CSRP3: variants seen among roughly 807,000 people sequenced by gnomAD.
The protein encoded by CSRP3 is cysteine and glycine-rich protein 3.
Under a neutral mutation model 24.3 loss-of-function variants are expected in CSRP3, and 24 were observed. The ratio of observed to expected loss-of-function variants is 0.99; its 90% CI spans 0.71 to 1.39. The LOEUF (loss-of-function observed/expected upper bound fraction) is 1.39. Ranked by LOEUF, CSRP3 falls within the 40% of genes most tolerant of loss-of-function variation. The probability of loss-of-function intolerance (pLI) is 0.00; values close to 1 mark genes in which losing one functional copy is unlikely to be tolerated. For missense variants in CSRP3, 240 were observed against 249.0 expected (o/e 0.96, Z 0.24); for synonymous variants, 105 against 94.0 (o/e 1.12, Z -0.68).
In CSRP3 at chr11:19,182,496, A is replaced by C. The variant is rs45597034; in HGVS notation, c.*174T>G. 6.0e-6 allele frequency: 4 copies of C among 664,870 alleles called. No individual in the cohort carries two copies. The highest frequency in any genetic ancestry group is 5.4e-5 in the East Asian group (2 of 37,346). The allele number at this position is 664,870 out of a possible 1,614,324, so 41.2% of individuals were successfully genotyped here. A position where few individuals can be genotyped will look rare whatever the true frequency, so the allele number is the denominator to read the frequency against. Reference sequence around the variant, plus strand: ...ATTTGTTATAGATTAAACTTTACATAATTTTCTTCCAAAGGCCTCTTCTAA... The same window carrying C: ...ATTTGTTATAGATTAAACTTTACATCATTTTCTTCCAAAGGCCTCTTCTAA... On this transcript the variant is annotated 3_prime_UTR_variant, in exon 6 of 6. Coordinates refer to ENST00000265968, the MANE Select transcript of CSRP3 (RefSeq NM_003476.5).
At chr11:19,197,692 G>A (rs1850764946) in intron 1 of CSRP3, among the ~76,000 whole-genome samples, 1 of 151,502 alleles carries the variant, frequency 6.6e-6, no homozygotes, top group Admixed American at 6.6e-5. Flanking sequence ...GAGACCTCAA[G>A]CCACAGTGCC....
In CSRP3 at chr11:19,197,395, T is replaced by C. The variant is rs1327174841; in HGVS notation, c.-29+4559A>G. ...CTCCCTCCCTCCCTCCCTCCCTTCC[T>C]TCCTTCCTTCCTTCCTTCCTTCCTT... On this transcript the variant is annotated intron_variant, in intron 1 of 5. Coordinates refer to ENST00000265968, the MANE Select transcript of CSRP3 (RefSeq NM_003476.5). 1.0e-3 allele frequency among the ~76,000 whole-genome samples: 9 copies of C among 8,704 alleles called. 1 individual carries two copies. Among genetic ancestry groups the C allele is most frequent in the Non-Finnish European group, 1.5e-3 (8 of 5,434 alleles). The allele number at this position is 8,704 out of a possible 152,430, so 5.7% of individuals were successfully genotyped here. A position where few individuals can be genotyped will look rare whatever the true frequency, so the allele number is the denominator to read the frequency against.
At chr11:19,183,677 G>A (rs964902404) in intron 5 of CSRP3, among the ~76,000 whole-genome samples, 4 of 152,022 alleles carry the variant, frequency 2.6e-5, no homozygotes, top group Non-Finnish European at 5.9e-5. Context: ...AGCTATGAAG[G>A]CTGAGGACCC....
chr11:19,187,636 C>T (rs1302282454), intron 3 of CSRP3, among the ~76,000 whole-genome samples: 1 of 152,172 alleles, frequency 6.6e-6, no homozygotes, highest in South Asian at 2.1e-4. Context: ...AGGGAACCCC[C>T]AGAAAAATCA....
chr11:19,192,318 G>A lies in CSRP3; in HGVS notation c.112+19C>T. The A allele has an allele frequency of 2.5e-6, 4 of 1,594,544 alleles. No homozygotes were observed. The highest frequency in any genetic ancestry group is 2.6e-6 in the Non-Finnish European group (3 of 1,162,398). On this transcript the variant is annotated intron_variant, in intron 2 of 5. Transcript: ENST00000265968. Reference sequence around the variant, plus strand: ...CTGTCCGGATGCTGAGGGGCCCCCAGGGTGTCCACCCAACTCACTGCAGTG... The same window carrying A: ...CTGTCCGGATGCTGAGGGGCCCCCAAGGTGTCCACCCAACTCACTGCAGTG...
intron 4 of CSRP3, 73 bp downstream of exon 4, chr11:19,186,143 T>G: frequency 7.5e-6 from 12 of 1,604,280 alleles, no homozygotes; most frequent in Non-Finnish European, 1.0e-5. Context: ...CAGCTCCCAA[T>G]TTTTCTCTCA....
chr11:19,200,520 G>A (rs1850820491), intron 1 of CSRP3, among the ~76,000 whole-genome samples: 1 of 151,796 alleles, frequency 6.6e-6, no homozygotes, highest in East Asian at 1.9e-4. Flanking sequence ...CTCCTTCGAA[G>A]GAGGAGGCCC....
At chr11:19,194,373 G>T (rs767652021) in intron 1 of CSRP3, among the ~76,000 whole-genome samples, 8 of 152,058 alleles carry the variant, frequency 5.3e-5, no homozygotes, top group Non-Finnish European at 8.8e-5. Context: ...TTTTAGAAAA[G>T]AACTTTAAAA....
At chr11:19,191,515 A>G (rs543917322) in intron 2 of CSRP3, among the ~76,000 whole-genome samples, 1 of 152,188 alleles carries the variant, frequency 6.6e-6, no homozygotes, top group African/African-American at 2.4e-5. Flanking sequence ...TTTTCTCCCA[A>G]ACAGGACTAG....
chr11:19,197,563 CTT>C (rs764236226), intron 1 of CSRP3, among the ~76,000 whole-genome samples: 1 of 124,898 alleles, frequency 8.0e-6, no homozygotes, highest in South Asian at 2.7e-4. Flanking sequence ...TTCTTTCTTT[CTT>C]TCTTTCTTTC....
intron 4 of CSRP3, among the ~76,000 whole-genome samples, 171 bp from the exon 5 acceptor site, chr11:19,185,216 T>G (rs1373043310): frequency 6.6e-6 from 1 of 152,264 alleles, no homozygotes; most frequent in East Asian, 1.9e-4. Context: ...GCTATGGCCT[T>G]AGCCAGCACT....
chr11:19,196,174 A>G (rs537273850), intron 1 of CSRP3, among the ~76,000 whole-genome samples: 141 of 152,334 alleles, frequency 9.3e-4, no homozygotes, highest in Middle Eastern at 6.8e-3. Flanking sequence ...GAGGCAGGAG[A>G]ATCACTTGAA....
At chr11:19,197,400 T>C (rs28716481) in intron 1 of CSRP3, among the ~76,000 whole-genome samples, 2 of 41,070 alleles carry the variant, frequency 4.9e-5, no homozygotes, top group African/African-American at 3.1e-4. Context: ...CTTCCTTCCT[T>C]CCTTCCTTCC....
chr11:19,200,951 G>A (rs77820686), intron 1 of CSRP3, among the ~76,000 whole-genome samples: 22,034 of 152,096 alleles, frequency 0.14, 1,999 homozygotes, highest in South Asian at 0.28. Context: ...ACATTGAATC[G>A]TATTGCAGAG....
chr11:19,183,538 T>C (rs534704518), intron 5 of CSRP3, among the ~76,000 whole-genome samples: 2 of 152,300 alleles, frequency 1.3e-5, no homozygotes, highest in South Asian at 4.1e-4. Flanking sequence ...AGCTGGTTCC[T>C]CTCCTCTTTT....
chr11:19,200,833 C>T (rs570711069), intron 1 of CSRP3, among the ~76,000 whole-genome samples: 21 of 152,344 alleles, frequency 1.4e-4, no homozygotes, highest in African/African-American at 4.8e-4. Context: ...AGGCCATCCC[C>T]AATTTCCCAC....
chr11:19,186,208 G>A lies in CSRP3; in HGVS notation c.414+8C>T, dbSNP rs1369057642. On this transcript the variant is annotated splice_region_variant and intron_variant, in intron 4 of 5. Transcript: ENST00000265968. ...CAAATTCTGTCTGGCTCATACAGAA[G>A]GTCTTACCTTGCCACCTCCCATAAC... The A allele has an allele frequency of 1.9e-6, 3 of 1,614,000 alleles. No homozygotes were observed. The highest frequency in any genetic ancestry group is 2.2e-5 in the East Asian group (1 of 44,878).
In CSRP3 at chr11:19,188,262, T is replaced by A. The variant is rs767326021; in HGVS notation, c.155A>T (p.His52Leu). 6.2e-7 allele frequency: 1 copy of A among 1,612,936 alleles called. No individual in the cohort carries two copies. Residue 52 changes from histidine to leucine, a missense_variant, in exon 3 of 6, where the codon CAT becomes CTT. His to Leu is a moderately conservative substitution (Grantham distance 99). Transcript: ENST00000265968. Reference protein sequence around the residue: ...KALDSTTVAAHESEIYCKVCY... With the variant: ...KALDSTTVAALESEIYCKVCY... Reference sequence around the variant, plus strand: ...CACCTTGCAGTAGATCTCCGACTCATGAGCCGCGACTGTCGTGCTGTCAAG... The same window carrying A: ...CACCTTGCAGTAGATCTCCGACTCAAGAGCCGCGACTGTCGTGCTGTCAAG...
At chr11:19,185,388 T>C (rs1327726581) in intron 4 of CSRP3, among the ~76,000 whole-genome samples, 3 of 152,202 alleles carry the variant, frequency 2.0e-5, no homozygotes, top group African/African-American at 7.2e-5. Flanking sequence ...ATGTTGAGTA[T>C]AAAGTTACAG....
Sources: gnomAD v4.1 joint callset for allele counts (sites outside exome capture counted in the v4.1 genomes callset) on GRCh38, gnomAD v4.1.1 for gene constraint, MANE v1.5 for transcripts, NCBI Gene and HGNC (gene_info 2026-07-23, HGNC 2026-07-21) for gene names.